The following KHDRBS2 variants were observed in gnomAD, a reference collection of about 807,000 sequenced individuals.
KHDRBS2 encodes KH RNA binding domain containing, signal transduction associated 2.
Under a neutral mutation model 44.3 loss-of-function variants are expected in KHDRBS2, and 26 were observed. The observed-to-expected ratio is 0.59, with a 90% CI of 0.43 to 0.81. The LOEUF (loss-of-function observed/expected upper bound fraction) is 0.81. Ranked by LOEUF, KHDRBS2 falls within the 40% of genes least tolerant of loss-of-function variation. The pLI is 0.00. For missense variants in KHDRBS2, 476 were observed against 433.1 expected (o/e 1.10, Z -0.88); for synonymous variants, 194 against 151.1 (o/e 1.28, Z -2.08).
chr6:61,610,317 A>T, the KHDRBS2 span, among the ~76,000 whole-genome samples: 1 of 152,330 alleles, frequency 6.6e-6, no homozygotes, highest in East Asian at 1.9e-4. Context: ...GTTTTAAAAG[A>T]GATTTGCTTC....
At chr6:62,056,425 CAA>C (rs1345094838) in intron 2 of KHDRBS2, among the ~76,000 whole-genome samples, 1 of 151,750 alleles carries the variant, frequency 6.6e-6, no homozygotes, top group Non-Finnish European at 1.5e-5. Context: ...ATAATAAACA[CAA>C]AATCCATGAT....
At chr6:61,788,981 A>G (rs1045470821) in intron 6 of KHDRBS2, among the ~76,000 whole-genome samples, 5 of 151,448 alleles carry the variant, frequency 3.3e-5, no homozygotes, top group African/African-American at 9.7e-5. Context: ...TGAAAATTCT[A>G]GTGTTTTAAT....
intron 6 of KHDRBS2, among the ~76,000 whole-genome samples, chr6:61,786,064 G>A (rs745670732): frequency 2.0e-5 from 3 of 151,678 alleles, no homozygotes; most frequent in Non-Finnish European, 4.4e-5. Flanking sequence ...CACACACATA[G>A]TTCCCTGATA....
rs540108142 is a variant in KHDRBS2 at position 62,182,826 on chromosome 6, A to G, written c.92-5514T>C. Among the ~76,000 whole-genome samples, 15 of 151,998 alleles carry G rather than the reference A, an allele frequency of 9.9e-5. No individual in the cohort carries two copies. In the South Asian group the frequency reaches 2.9e-3, roughly 29 times the overall value. On this transcript the variant is annotated intron_variant, in intron 1 of 8. Coordinates refer to ENST00000281156, the MANE Select transcript of KHDRBS2 (RefSeq NM_152688.4). ...TTTTTAATACCTCCCCTATATGTAT[A>G]GTTTAGTATAGTCTATAATTTCAAA...
At chr6:62,131,092 AAT>A (rs1325495051) in intron 2 of KHDRBS2, among the ~76,000 whole-genome samples, 4 of 152,150 alleles carry the variant, frequency 2.6e-5, no homozygotes, top group African/African-American at 9.7e-5. Context: ...TAAAACTTGT[AAT>A]ATATCTTGTA....
intron 6 of KHDRBS2, among the ~76,000 whole-genome samples, chr6:61,805,510 C>T (rs1374889712): frequency 6.6e-6 from 1 of 152,166 alleles, no homozygotes; most frequent in Non-Finnish European, 1.5e-5. Flanking sequence ...GCACCCTACT[C>T]TATGTGGTAC....
chr6:62,239,701 T>TATTC (rs1255745935), intron 1 of KHDRBS2, among the ~76,000 whole-genome samples: 4 of 152,128 alleles, frequency 2.6e-5, no homozygotes, highest in African/African-American at 9.7e-5. Context: ...TTTATTTATT[T>TATTC]TTGAGATGGA....
At chr6:61,944,770 A>C (rs1205293841) in intron 4 of KHDRBS2, among the ~76,000 whole-genome samples, 10 of 152,024 alleles carry the variant, frequency 6.6e-5, no homozygotes, top group Non-Finnish European at 8.8e-5. Flanking sequence ...TGGACCCTAT[A>C]AATATGTAAA....
At chr6:61,868,861 G>A (rs1319895320) in intron 6 of KHDRBS2, among the ~76,000 whole-genome samples, 2 of 152,126 alleles carry the variant, frequency 1.3e-5, no homozygotes, top group East Asian at 3.9e-4. Context: ...GCCTTTTCCG[G>A]GGATCCTTGG....
chr6:62,250,328 T>C (rs756729784), intron 1 of KHDRBS2, among the ~76,000 whole-genome samples: 1 of 152,150 alleles, frequency 6.6e-6, no homozygotes, highest in Non-Finnish European at 1.5e-5. Flanking sequence ...CACAACTCGC[T>C]TTGACTGATC....
chr6:62,100,779 A>G (rs1801688514), intron 2 of KHDRBS2, among the ~76,000 whole-genome samples: 1 of 152,216 alleles, frequency 6.6e-6, no homozygotes, highest in African/African-American at 2.4e-5. Context: ...TAACTTTTAT[A>G]TGCACTGGGA....
chr6:62,073,839 A>G (rs1417819887), intron 2 of KHDRBS2, among the ~76,000 whole-genome samples: 1 of 151,654 alleles, frequency 6.6e-6, no homozygotes, highest in Non-Finnish European at 1.5e-5. Context: ...CAACAATCTA[A>G]ATCATGTATT....
At chr6:61,628,228 T>C in the KHDRBS2 span, among the ~76,000 whole-genome samples, 1 of 91,156 alleles carries the variant, frequency 1.1e-5, no homozygotes, top group East Asian at 2.8e-4. Context: ...TTTTTTTTTT[T>C]TTTTTTTTTT....
chr6:61,655,499 T>C, the KHDRBS2 span, among the ~76,000 whole-genome samples: 5 of 151,960 alleles, frequency 3.3e-5, no homozygotes, highest in Non-Finnish European at 7.4e-5. Flanking sequence ...AGGTGATCCA[T>C]CCGCCTTGGT....
chr6:61,721,121 C>T (rs1772428826), intron 7 of KHDRBS2, among the ~76,000 whole-genome samples: 1 of 151,876 alleles, frequency 6.6e-6, no homozygotes, highest in Admixed American at 6.6e-5. Flanking sequence ...GGGCTCTGTT[C>T]TGTTCCATTG....
intron 2 of KHDRBS2, among the ~76,000 whole-genome samples, chr6:62,073,365 T>A (rs2127347602): frequency 6.6e-6 from 1 of 151,778 alleles, no homozygotes; most frequent in East Asian, 2.0e-4. Context: ...TGTAATATTC[T>A]TTCATAAACC....
intron 3 of KHDRBS2, among the ~76,000 whole-genome samples, chr6:62,018,624 C>G (rs201489426): frequency 6.6e-6 from 1 of 152,116 alleles, no homozygotes; most frequent in Non-Finnish European, 1.5e-5. Context: ...GGATTACAGG[C>G]GTGAGCCACC....
At chr6:61,620,092 A>T in the KHDRBS2 span, among the ~76,000 whole-genome samples, 1 of 151,616 alleles carries the variant, frequency 6.6e-6, no homozygotes, top group Non-Finnish European at 1.5e-5. Flanking sequence ...TCCCCTCAAA[A>T]CTCCACGTGT....
chr6:62,071,261 T>C (rs1400522556), intron 2 of KHDRBS2, among the ~76,000 whole-genome samples: 1 of 152,184 alleles, frequency 6.6e-6, no homozygotes, highest in African/African-American at 2.4e-5. Flanking sequence ...GATGAGTAGA[T>C]TGCAAAAATT....
Sources: allele counts gnomAD v4.1 joint callset (sites outside exome capture counted in the v4.1 genomes callset), GRCh38; gene constraint gnomAD v4.1.1; transcripts MANE v1.5; gene names NCBI Gene and HGNC (gene_info 2026-07-23, HGNC 2026-07-21).